Variants in ZNF407 observed in about 807,000 individuals in gnomAD.
ZNF407 encodes zinc finger protein 407.
In ZNF407, 17 loss-of-function variants were observed where a neutral mutation model predicts 131.2. The observed-to-expected ratio is 0.13, with a 90% CI of 0.09 to 0.19. The LOEUF (loss-of-function observed/expected upper bound fraction) is 0.19, where lower values mean the gene tolerates loss of function less well. Ranked by LOEUF, ZNF407 falls within the 10% of genes least tolerant of loss-of-function variation. The pLI is 1.00. For synonymous variants in ZNF407, 1,156 were observed against 1,062.0 expected, an observed-to-expected ratio of 1.09 and a Z score of -1.72; for missense variants, 2,681 against 2,830.6, an observed-to-expected ratio of 0.95 and a Z score of 1.20.
intron 4 of ZNF407, among the ~76,000 whole-genome samples, chr18:74,790,564 A>T (rs1356054516): frequency 6.6e-6 from 1 of 152,184 alleles, no homozygotes; most frequent in Non-Finnish European, 1.5e-5. Flanking sequence ...TTTCACTTAA[A>T]TTACTTTTAG....
intron 4 of ZNF407, among the ~76,000 whole-genome samples, chr18:74,825,082 A>G (rs1392268417): frequency 1.3e-5 from 2 of 152,240 alleles, no homozygotes; most frequent in Non-Finnish European, 2.9e-5. Context: ...AATGTAATCC[A>G]TCACATAAAC....
intron 8 of ZNF407, among the ~76,000 whole-genome samples, chr18:74,992,922 A>C (rs1189195395): frequency 6.6e-6 from 1 of 152,218 alleles, no homozygotes; most frequent in Non-Finnish European, 1.5e-5. Flanking sequence ...AAACTATAAT[A>C]ACATGCCACT....
chr18:74,795,003 A>G (rs1235481514), intron 4 of ZNF407, among the ~76,000 whole-genome samples: 1 of 152,116 alleles, frequency 6.6e-6, no homozygotes, highest in Non-Finnish European at 1.5e-5. Context: ...TTTAGTCTTC[A>G]GCTTATTACT....
intron 4 of ZNF407, among the ~76,000 whole-genome samples, chr18:74,783,909 TAC>T (rs1056691631): frequency 1.5e-4 from 23 of 152,330 alleles, no homozygotes; most frequent in African/African-American, 5.5e-4. Context: ...TCTCTCCTGT[TAC>T]AGAGAAATAC....
intron 8 of ZNF407, among the ~76,000 whole-genome samples, chr18:75,018,160 A>G (rs1973066978): frequency 6.6e-6 from 1 of 152,172 alleles, no homozygotes; most frequent in African/African-American, 2.4e-5. Context: ...TAACTTTATG[A>G]TCGAGTATCT....
Position 74,631,514 on chromosome 18 carries a change from A to G in ZNF407, c.495A>G (p.Glu165=), listed in dbSNP as rs773931712. The change falls in exon 2 of 9, where the codon GAA becomes GAG. Residue 165 remains glutamate, a synonymous_variant. Transcript: ENST00000299687. Reference sequence around the variant, plus strand: ...TGGTTTCCCTTGATCTGGAAAGAGAATCTCCTTTCCCCCCGAAAGAAATTA... The same window carrying G: ...TGGTTTCCCTTGATCTGGAAAGAGAGTCTCCTTTCCCCCCGAAAGAAATTA... ...QEMVSLDLER[E]SPFPPKEISV... 8.7e-6 allele frequency: 14 copies of G among 1,613,802 alleles called. No homozygotes were observed. Among genetic ancestry groups the G allele is most frequent in the Middle Eastern group, 1.6e-4 (1 of 6,084 alleles).
intron 8 of ZNF407, among the ~76,000 whole-genome samples, chr18:74,987,279 G>T (rs1164978437): frequency 6.6e-6 from 1 of 152,022 alleles, no homozygotes; most frequent in Admixed American, 6.6e-5. Context: ...AGATCACATT[G>T]ATTTTATAGC....
intron 8 of ZNF407, among the ~76,000 whole-genome samples, chr18:74,930,540 T>C (rs1271990351): frequency 6.6e-6 from 1 of 152,248 alleles, no homozygotes; most frequent in African/African-American, 2.4e-5. Flanking sequence ...GTGTTTTTTT[T>C]CTTTCCTGCA....
intron 8 of ZNF407, among the ~76,000 whole-genome samples, chr18:75,037,504 G>C (rs1057415586): frequency 6.6e-6 from 1 of 151,890 alleles, no homozygotes. Context: ...CTGCGGTCTT[G>C]TCTCGATGGC....
chr18:74,642,170 CTTTGCAAGCACT>C (rs1441226993), intron 3 of ZNF407, among the ~76,000 whole-genome samples: 1 of 152,102 alleles, frequency 6.6e-6, no homozygotes, highest in Admixed American at 6.6e-5. Context: ...TTACAAATAC[CTTTGCAAGCACT>C]TTTATGAACC....
chr18:74,846,239 C>T (rs149896354), intron 4 of ZNF407, among the ~76,000 whole-genome samples: 247 of 152,204 alleles, frequency 1.6e-3, no homozygotes, highest in Middle Eastern at 0.014. Flanking sequence ...ATATAAAATA[C>T]ATCCTAACAA....
chr18:74,727,952 C>G (rs1599103659), intron 3 of ZNF407, among the ~76,000 whole-genome samples: 2 of 152,250 alleles, frequency 1.3e-5, no homozygotes, highest in African/African-American at 4.8e-5. Flanking sequence ...CAGTGATGAG[C>G]TTTTTGCTTC....
intron 7 of ZNF407, among the ~76,000 whole-genome samples, chr18:74,907,774 G>C (rs1270166283): frequency 1.3e-5 from 2 of 152,134 alleles, no homozygotes; most frequent in Admixed American, 1.3e-4. Flanking sequence ...TAGAAATTGA[G>C]CTTCTGAACT....
chr18:74,714,093 T>C (rs1442808961), intron 3 of ZNF407, among the ~76,000 whole-genome samples: 1 of 152,260 alleles, frequency 6.6e-6, no homozygotes, highest in African/African-American at 2.4e-5. Context: ...GAAAAGTTAC[T>C]TTCTTATATC....
At chr18:74,794,328 C>G (rs565831546) in intron 4 of ZNF407, among the ~76,000 whole-genome samples, 1 of 152,136 alleles carries the variant, frequency 6.6e-6, no homozygotes, top group South Asian at 2.1e-4. Context: ...CTGTGGAATT[C>G]CTTTTTCTCT....
At chr18:74,657,096 TTTTAA>T (rs1200129873) in intron 3 of ZNF407, among the ~76,000 whole-genome samples, 4 of 151,864 alleles carry the variant, frequency 2.6e-5, no homozygotes, top group Admixed American at 1.3e-4. Flanking sequence ...TTTTTTTTTT[TTTTAA>T]TTTAAGTGTC....
chr18:74,996,871 G>C (rs901014062), intron 8 of ZNF407, among the ~76,000 whole-genome samples: 1 of 152,190 alleles, frequency 6.6e-6, no homozygotes, highest in African/African-American at 2.4e-5. Context: ...CATTTTTGTA[G>C]CTATCAGACT....
At chr18:74,600,691 G>A (rs1042117149) in intron 1 of ZNF407, among the ~76,000 whole-genome samples, 1 of 152,194 alleles carries the variant, frequency 6.6e-6, no homozygotes, top group African/African-American at 2.4e-5. Flanking sequence ...TGGGCAAAGA[G>A]ATAAAGAGCG....
At chr18:74,682,441 C>A (rs1967007028) in intron 3 of ZNF407, among the ~76,000 whole-genome samples, 1 of 152,128 alleles carries the variant, frequency 6.6e-6, no homozygotes, top group Non-Finnish European at 1.5e-5. Flanking sequence ...AGTGCCATGT[C>A]CATCATTCTT....
Sources: allele counts gnomAD v4.1 joint callset (sites outside exome capture counted in the v4.1 genomes callset), GRCh38; gene constraint gnomAD v4.1.1; transcripts MANE v1.5; gene names NCBI Gene and HGNC (gene_info 2026-07-23, HGNC 2026-07-21).